Variants in E2F3 observed in about 807,000 individuals in gnomAD.
The protein encoded by E2F3 is E2F transcription factor 3.
Under a neutral mutation model 44.4 loss-of-function variants are expected in E2F3, and 11 were observed. The ratio of observed to expected loss-of-function variants is 0.25; its 90% CI spans 0.16 to 0.41. The LOEUF (loss-of-function observed/expected upper bound fraction) is 0.41, where lower values mean the gene tolerates loss of function less well. Ranked by LOEUF, E2F3 falls within the 10% of genes least tolerant of loss-of-function variation. E2F3 has a pLI of 1.00. For missense variants in E2F3, 487 were observed against 583.6 expected, an observed-to-expected ratio of 0.83 and a Z score of 1.70; for synonymous variants, 249 against 253.0, an observed-to-expected ratio of 0.98 and a Z score of 0.15.
At chr6:20,423,849 A>G (rs1432290622) in intron 1 of E2F3, among the ~76,000 whole-genome samples, 1 of 150,630 alleles carries the variant, frequency 6.6e-6, no homozygotes, top group African/African-American at 2.4e-5. Flanking sequence ...GCTCACTGCA[A>G]CCTCTGCCTC....
chr6:20,449,513 C>T (rs984578526), intron 1 of E2F3, among the ~76,000 whole-genome samples: 1 of 152,154 alleles, frequency 6.6e-6, no homozygotes, highest in Admixed American at 6.5e-5. Flanking sequence ...TATATCACTT[C>T]ATACATGTGC....
At chr6:20,404,045 A>G (rs1017906329) in intron 1 of E2F3, among the ~76,000 whole-genome samples, 2 of 151,544 alleles carry the variant, frequency 1.3e-5, no homozygotes, top group Non-Finnish European at 1.5e-5. Context: ...TGTCTGCCCC[A>G]GGGGGTGGGT....
intron 1 of E2F3, among the ~76,000 whole-genome samples, chr6:20,455,328 G>C (rs1761273685): frequency 6.6e-6 from 1 of 152,158 alleles, no homozygotes; most frequent in Admixed American, 6.6e-5. Flanking sequence ...AAATGCCAGT[G>C]GGTGCCTGTG....
chr6:20,414,589 A>G (rs9460502), intron 1 of E2F3, among the ~76,000 whole-genome samples: 60,240 of 151,960 alleles, frequency 0.4, 12,048 homozygotes, highest in East Asian at 0.46. Context: ...AAGTATCTCT[A>G]TAATTGACTT....
chr6:20,479,772 C>T, intron 1 of E2F3, 74 bp from the exon 2 acceptor site: 2 of 1,329,774 alleles, frequency 1.5e-6, no homozygotes, highest in Non-Finnish European at 2.1e-6. Context: ...TTTGGCAGGC[C>T]AGCCCACAAA....
At chr6:20,418,638 C>T (rs1759926986) in intron 1 of E2F3, among the ~76,000 whole-genome samples, 1 of 152,152 alleles carries the variant, frequency 6.6e-6, no homozygotes, top group Non-Finnish European at 1.5e-5. Context: ...CCTGTGTTCT[C>T]GATCAGAAGG....
chr6:20,447,356 GAA>G (rs1374463297), intron 1 of E2F3, among the ~76,000 whole-genome samples: 6 of 151,712 alleles, frequency 4.0e-5, no homozygotes, highest in African/African-American at 9.7e-5. Context: ...GAGAGAGAGA[GAA>G]AGAGAAAGAG....
At chr6:20,482,540 T>C (rs111695092) in intron 3 of E2F3, among the ~76,000 whole-genome samples, 10 of 149,828 alleles carry the variant, frequency 6.7e-5, no homozygotes, top group African/African-American at 2.4e-4. Flanking sequence ...AAAATAGCAG[T>C]GCGCTTTCAC....
chr6:20,491,197 G>A lies in E2F3; in HGVS notation c.*767G>A. On this transcript the variant is annotated 3_prime_UTR_variant, in exon 7 of 7. Transcript: ENST00000346618. ...GTGTTTGTGAGTTTCCAGTTGATTT[G>A]TAGCAAATGCCTACTTAGTTCTTTG... 4.3e-6 allele frequency: 1 copy of A among 232,736 alleles called. No homozygotes were observed. Among genetic ancestry groups the A allele is most frequent in the Non-Finnish European group, 8.5e-6 (1 of 117,376 alleles). The allele number at this position is 232,736 out of a possible 1,614,324, so 14.4% of individuals were successfully genotyped here.
rs905321587 is a variant in E2F3, at chr6:20,451,553, C to A, written c.394-28293C>A. ...CTTTTTATTTGGAGGCACTTTATTT[C>A]TTTCTCTTGACTGATTGCTCTGGCC... On this transcript the variant is annotated intron_variant, in intron 1 of 6. Transcript: ENST00000346618. Among the ~76,000 whole-genome samples, 4 of 152,106 alleles carry A rather than the reference C, an allele frequency of 2.6e-5. No individual in the cohort carries two copies. The South Asian group carries it at 8.3e-4, about 31-fold the overall frequency.
At chr6:20,475,576 G>T (rs990406021) in intron 1 of E2F3, among the ~76,000 whole-genome samples, 1 of 152,114 alleles carries the variant, frequency 6.6e-6, no homozygotes, top group African/African-American at 2.4e-5. Context: ...GATTGCGGAG[G>T]CACCAACCTC....
At chr6:20,457,011 G>A (rs1275464727) in intron 1 of E2F3, among the ~76,000 whole-genome samples, 1 of 152,144 alleles carries the variant, frequency 6.6e-6, no homozygotes, top group Non-Finnish European at 1.5e-5. Flanking sequence ...CGAACCAGCA[G>A]GAGGAGAGTC....
intron 1 of E2F3, among the ~76,000 whole-genome samples, chr6:20,427,225 CCTCCCTATGTCCA>C (rs1032249703): frequency 1.3e-5 from 2 of 152,164 alleles, no homozygotes; most frequent in African/African-American, 4.8e-5. Context: ...AATCACAAAC[CCTCCCTATGTCCA>C]CTCCTACAGC....
chr6:20,463,459 C>T (rs760401513), intron 1 of E2F3, among the ~76,000 whole-genome samples: 10 of 152,182 alleles, frequency 6.6e-5, no homozygotes, highest in Non-Finnish European at 1.3e-4. Flanking sequence ...TTAATTCCTT[C>T]GCCTAGATCT....
Position 20,454,784 on chromosome 6 carries a change from T to C in E2F3, c.394-25062T>C, listed in dbSNP as rs541944514. On this transcript the variant is annotated intron_variant, in intron 1 of 6. Transcript: ENST00000346618. The stretch of plus-strand genomic sequence containing the variant: ...CTTCTGATGACTGTTAGCCACGCCA[T>C]AATGGTGCTTGTATTTGGCAGGTTA... Among the ~76,000 whole-genome samples, 3 of 152,340 alleles carry C rather than the reference T, an allele frequency of 2.0e-5. No homozygotes were observed. The South Asian group carries it at 6.2e-4, about 32-fold the overall frequency.
At chr6:20,449,956 A>G (rs1319907013) in intron 1 of E2F3, among the ~76,000 whole-genome samples, 1 of 151,232 alleles carries the variant, frequency 6.6e-6, no homozygotes, top group Non-Finnish European at 1.5e-5. Flanking sequence ...CAGTCTCATT[A>G]TTTTTATGGC....
chr6:20,415,019 C>A, intron 1 of E2F3, among the ~76,000 whole-genome samples: 1 of 152,228 alleles, frequency 6.6e-6, no homozygotes, highest in Non-Finnish European at 1.5e-5. Context: ...TAGTTGCCTC[C>A]CCCCGCCACT....
chr6:20,421,708 C>A (rs1760032732), intron 1 of E2F3: 1 of 152,286 alleles, frequency 6.6e-6, no homozygotes, highest in Non-Finnish European at 1.5e-5. Flanking sequence ...GGCTGGTTCA[C>A]CCCTCCTTAG....
At chr6:20,434,440 C>T (rs576973756) in intron 1 of E2F3, among the ~76,000 whole-genome samples, 10 of 152,208 alleles carry the variant, frequency 6.6e-5, no homozygotes, top group East Asian at 3.9e-4. Flanking sequence ...TGGCATAATT[C>T]GAGGTAGTTT....
Sources: allele counts gnomAD v4.1 joint callset (sites outside exome capture counted in the v4.1 genomes callset), GRCh38; gene constraint gnomAD v4.1.1; transcripts MANE v1.5; gene names NCBI Gene and HGNC (gene_info 2026-07-23, HGNC 2026-07-21).